Variants in PDGFD observed in about 807,000 individuals in gnomAD.
PDGFD encodes the protein platelet-derived growth factor D.
In PDGFD, 30 loss-of-function variants were observed where a neutral mutation model predicts 44.7. That is an observed-to-expected ratio of 0.67 (90% CI 0.50 to 0.91). The LOEUF (loss-of-function observed/expected upper bound fraction) is 0.91, where lower values mean the gene tolerates loss of function less well. Ranked by LOEUF, PDGFD falls within the 40% of genes least tolerant of loss-of-function variation. The pLI is 0.00. For synonymous variants in PDGFD, 173 were observed against 168.4 expected, an observed-to-expected ratio of 1.03 and a Z score of -0.21; for missense variants, 445 against 457.8, an observed-to-expected ratio of 0.97 and a Z score of 0.25.
intron 1 of PDGFD, among the ~76,000 whole-genome samples, chr11:104,021,665 T>C (rs1859956574): frequency 6.6e-6 from 1 of 152,146 alleles, no homozygotes; most frequent in Non-Finnish European, 1.5e-5. Context: ...CATCCAATCC[T>C]AGTGTAGGCC....
In PDGFD at chr11:103,953,090, T is replaced by C. The variant is rs145577101; in HGVS notation, c.511-5366A>G. Among the ~76,000 whole-genome samples, 459 of 152,250 alleles carry C rather than the reference T, an allele frequency of 3.0e-3. 8 individuals are homozygous for C. Among genetic ancestry groups the C allele is most frequent in the African/African-American group, 0.011 (441 of 41,574 alleles). Reference sequence around the variant, plus strand: ...AGTGTGGAAGAGATATTTCTAAGCATAAATGCTAAAGTCAGAAAGCATAAA... The same window carrying C: ...AGTGTGGAAGAGATATTTCTAAGCACAAATGCTAAAGTCAGAAAGCATAAA... On this transcript the variant is annotated intron_variant, in intron 3 of 6. Transcript: ENST00000393158.
chr11:103,992,155 A>T (rs549135971), intron 3 of PDGFD, among the ~76,000 whole-genome samples: 4 of 152,186 alleles, frequency 2.6e-5, no homozygotes, highest in Admixed American at 6.5e-5. Flanking sequence ...GTTATCTTTA[A>T]TGGGGTAGAA....
At chr11:104,010,929 T>A (rs1406138047) in intron 1 of PDGFD, among the ~76,000 whole-genome samples, 3 of 151,772 alleles carry the variant, frequency 2.0e-5, no homozygotes, top group Non-Finnish European at 4.4e-5. Flanking sequence ...ACAACCACAA[T>A]GACAAAAATA....
chr11:103,930,563 A>G (rs550720050), intron 5 of PDGFD, among the ~76,000 whole-genome samples: 1 of 152,126 alleles, frequency 6.6e-6, no homozygotes, highest in Non-Finnish European at 1.5e-5. Context: ...AAAAAAAAAA[A>G]AAAACTTGTC....
intron 1 of PDGFD, among the ~76,000 whole-genome samples, chr11:104,090,335 T>C (rs1027938544): frequency 2.0e-5 from 3 of 151,780 alleles, no homozygotes; most frequent in South Asian, 2.1e-4. Flanking sequence ...AAAATGGATG[T>C]AGAGGCGGGC....
intron 1 of PDGFD, among the ~76,000 whole-genome samples, chr11:104,095,171 TC>T (rs1861265629): frequency 6.6e-6 from 1 of 152,112 alleles, no homozygotes; most frequent in East Asian, 1.9e-4. Context: ...TCAATTAGAA[TC>T]CCCAGTATTC....
intron 1 of PDGFD, among the ~76,000 whole-genome samples, chr11:104,087,893 T>C (rs1409156689): frequency 6.6e-6 from 1 of 152,224 alleles, no homozygotes; most frequent in Admixed American, 6.5e-5. Context: ...TCCCATGATG[T>C]GACTTTTAAC....
chr11:103,939,134 A>G (rs972743597), intron 5 of PDGFD, among the ~76,000 whole-genome samples: 1 of 152,118 alleles, frequency 6.6e-6, no homozygotes, highest in Non-Finnish European at 1.5e-5. Flanking sequence ...GAATCTATAA[A>G]TTACCTTGGG....
chr11:104,031,701 C>T (rs1369951878), intron 1 of PDGFD, among the ~76,000 whole-genome samples: 1 of 152,148 alleles, frequency 6.6e-6, no homozygotes, highest in African/African-American at 2.4e-5. Flanking sequence ...CATGTATGTT[C>T]ATTGCAGCAC....
intron 1 of PDGFD, among the ~76,000 whole-genome samples, chr11:104,107,694 A>G (rs917302528): frequency 4.6e-5 from 7 of 152,200 alleles, no homozygotes; most frequent in African/African-American, 1.7e-4. Context: ...CTAGTGGAGT[A>G]AAGAACTCTG....
intron 1 of PDGFD, among the ~76,000 whole-genome samples, chr11:104,113,170 A>G (rs1162957835): frequency 3.9e-5 from 6 of 152,172 alleles, no homozygotes; most frequent in African/African-American, 1.4e-4. Flanking sequence ...AAGATTACAT[A>G]ACTTCCTCAG....
intron 1 of PDGFD, among the ~76,000 whole-genome samples, chr11:104,137,856 G>A (rs1302794201): frequency 6.7e-6 from 1 of 149,004 alleles, no homozygotes; most frequent in East Asian, 2.0e-4. Flanking sequence ...CCCAGATCAA[G>A]CTGTTTTTGC....
chr11:104,122,983 C>T (rs1000393881), intron 1 of PDGFD, among the ~76,000 whole-genome samples: 1 of 152,066 alleles, frequency 6.6e-6, no homozygotes, highest in Non-Finnish European at 1.5e-5. Flanking sequence ...CTACACACAG[C>T]TGTATTTACA....
chr11:104,062,918 T>C (rs1860735863), intron 1 of PDGFD, among the ~76,000 whole-genome samples: 1 of 152,210 alleles, frequency 6.6e-6, no homozygotes. Context: ...TGTATTCCTG[T>C]GAAACGTTGT....
At chr11:104,032,407 A>G (rs180781052) in intron 1 of PDGFD, among the ~76,000 whole-genome samples, 2 of 152,290 alleles carry the variant, frequency 1.3e-5, no homozygotes, top group Admixed American at 1.3e-4. Flanking sequence ...AACTCTCTTA[A>G]TAAGTCTTGA....
intron 1 of PDGFD, among the ~76,000 whole-genome samples, chr11:104,090,968 C>A (rs1199533275): frequency 6.6e-6 from 1 of 152,076 alleles, no homozygotes; most frequent in Admixed American, 6.6e-5. Flanking sequence ...ACTTGGCCTG[C>A]AAACTCGTTT....
At chr11:104,123,623 C>T (rs549873948) in intron 1 of PDGFD, among the ~76,000 whole-genome samples, 1 of 152,130 alleles carries the variant, frequency 6.6e-6, no homozygotes, top group African/African-American at 2.4e-5. Flanking sequence ...TTTAAAGTGG[C>T]ATTCTTTTGC....
intron 1 of PDGFD, among the ~76,000 whole-genome samples, chr11:104,041,521 T>C (rs985565418): frequency 6.6e-6 from 1 of 152,150 alleles, no homozygotes; most frequent in African/African-American, 2.4e-5. Context: ...ATTTTCTGTT[T>C]TTTTTTCCTA....
Position 104,018,376 on chromosome 11 carries a change from T to C in PDGFD, c.125-18121A>G, listed in dbSNP as rs369089321. Among the ~76,000 whole-genome samples the C allele has an allele frequency of 3.3e-4, 50 of 152,286 alleles. 1 individual carries two copies. The East Asian group carries it at 7.3e-3, about 22-fold the overall frequency. On this transcript the variant is annotated intron_variant, in intron 1 of 6. Transcript: ENST00000393158. ...TTTGGACTTGGAGTTCAGAATTAAA[T>C]ATGTTTGATTTTCCATCTGTATATC... is the stretch of plus-strand genomic sequence containing the variant.
Sources: gnomAD v4.1 joint callset for allele counts (sites outside exome capture counted in the v4.1 genomes callset) on GRCh38, gnomAD v4.1.1 for gene constraint, MANE v1.5 for transcripts, NCBI Gene and HGNC (gene_info 2026-07-23, HGNC 2026-07-21) for gene names.